The following SATL1 variants were observed in gnomAD, a reference collection of about 807,000 sequenced individuals.
The protein encoded by SATL1 is spermidine/spermine N1-acetyl transferase like 1, also known as spermidine/spermine N(1)-acetyltransferase-like protein 1.
SATL1 carries 47 observed loss-of-function variants against 51.8 expected under a neutral mutation model. The observed-to-expected ratio is 0.91, with a 90% CI of 0.72 to 1.16. SATL1 has a LOEUF of 1.16. Among genes scored for constraint, SATL1 ranks in the 50% most tolerant of loss-of-function variants. SATL1 has a pLI of 0.00. For synonymous variants in SATL1, 176 were observed against 182.4 expected, an observed-to-expected ratio of 0.97 and a Z score of 0.28; for missense variants, 520 against 526.4, an observed-to-expected ratio of 0.99 and a Z score of 0.12.
chrX:85,123,516 GT>G (rs953651406), intron 2 of SATL1, among the ~76,000 whole-genome samples: 1 of 111,530 alleles, frequency 9.0e-6, no homozygotes, highest in Non-Finnish European at 1.9e-5. Flanking sequence ...GGTGTTGTTT[GT>G]TTTTTAGTTG....
At chrX:85,222,090 T>A (rs1928189408) in intron 2 of SATL1, among the ~76,000 whole-genome samples, 1 of 111,901 alleles carries the variant, frequency 8.9e-6, no homozygotes, top group Non-Finnish European at 1.9e-5. Context: ...GGCATAGTTA[T>A]ATATAGGAGA....
In SATL1 at chrX:85,154,500, T is replaced by C. The variant is rs1368705836; in HGVS notation, c.-312-45220A>G. ...TAAAGCAGCAATCGTTTATTGAGAG[T>C]TTATTATGTGTGTCAGGCTGAATTA... On this transcript the variant is annotated intron_variant, in intron 2 of 7. Transcript: ENST00000644105. 4.5e-5 allele frequency among the ~76,000 whole-genome samples: 5 copies of C among 111,726 alleles called. No individual in the cohort carries two copies. In the East Asian group the frequency reaches 1.4e-3, roughly 31 times the overall value.
At chrX:85,171,141 G>C (rs1455246928) in intron 2 of SATL1, among the ~76,000 whole-genome samples, 1 of 111,296 alleles carries the variant, frequency 9.0e-6, no homozygotes, top group Non-Finnish European at 1.9e-5. Flanking sequence ...GATTACAAGA[G>C]AGCACATATG....
chrX:85,151,664 A>G (rs911027039), intron 2 of SATL1, among the ~76,000 whole-genome samples: 6 of 111,272 alleles, frequency 5.4e-5, no homozygotes, highest in African/African-American at 1.3e-4. Context: ...ATAATGCCGC[A>G]TATCTACAAC....
chrX:85,228,422 T>A (rs1928318076), intron 1 of SATL1, among the ~76,000 whole-genome samples: 1 of 111,663 alleles, frequency 9.0e-6, no homozygotes, highest in Admixed American at 9.5e-5. Context: ...TTAAAAAAAA[T>A]GTCTATTGAT....
intron 2 of SATL1, among the ~76,000 whole-genome samples, chrX:85,181,204 C>T (rs1287457949): frequency 4.5e-5 from 3 of 67,311 alleles, no homozygotes; most frequent in African/African-American, 3.1e-4. Context: ...TATATATATA[C>T]ACATATATAT....
intron 2 of SATL1, among the ~76,000 whole-genome samples, chrX:85,153,345 C>T (rs368194423): frequency 8.9e-6 from 1 of 111,774 alleles, no homozygotes; most frequent in Non-Finnish European, 1.9e-5. Flanking sequence ...GCCTAGGCCT[C>T]TTCAACCTCT....
chrX:85,135,149 A>G (rs893292942), intron 2 of SATL1, among the ~76,000 whole-genome samples: 9 of 110,272 alleles, frequency 8.2e-5, no homozygotes, highest in Non-Finnish European at 1.7e-4. Context: ...ACATGGCAGG[A>G]AACAACACAC....
chrX:85,185,498 G>C (rs1200767977), intron 2 of SATL1, among the ~76,000 whole-genome samples: 1 of 111,364 alleles, frequency 9.0e-6, no homozygotes, highest in Non-Finnish European at 1.9e-5. Context: ...GAATCTACCT[G>C]GTGATCTATT....
intron 1 of SATL1, among the ~76,000 whole-genome samples, chrX:85,231,891 G>T (rs1928388670): frequency 9.1e-6 from 1 of 110,348 alleles, no homozygotes; most frequent in Non-Finnish European, 1.9e-5. Context: ...AAGTACTCCT[G>T]CTGTGCTGGG....
intron 1 of SATL1, among the ~76,000 whole-genome samples, chrX:85,233,628 C>T (rs1203855270): frequency 1.8e-5 from 2 of 111,562 alleles, no homozygotes; most frequent in Non-Finnish European, 3.8e-5. Context: ...CTCTGGAATC[C>T]AAAAATGTGA....
chrX:85,168,677 T>C (rs188149252), intron 2 of SATL1, among the ~76,000 whole-genome samples: 223 of 111,906 alleles, frequency 2.0e-3, no homozygotes, highest in Non-Finnish European at 3.1e-3. Context: ...AAATAAATAT[T>C]GTTAAAATGG....
chrX:85,233,623 G>C (rs769110679), intron 1 of SATL1, among the ~76,000 whole-genome samples: 9 of 111,961 alleles, frequency 8.0e-5, no homozygotes, highest in Non-Finnish European at 1.3e-4. Flanking sequence ...AGAAGCTCTG[G>C]AATCCAAAAA....
chrX:85,169,495 C>G (rs1193219644), intron 2 of SATL1, among the ~76,000 whole-genome samples: 1 of 111,095 alleles, frequency 9.0e-6, no homozygotes, highest in African/African-American at 3.3e-5. Flanking sequence ...AGAAAACATA[C>G]ATGCAGCCAA....
At chrX:85,149,410 A>G (rs1238456820) in intron 2 of SATL1, among the ~76,000 whole-genome samples, 1 of 111,473 alleles carries the variant, frequency 9.0e-6, no homozygotes, top group Non-Finnish European at 1.9e-5. Context: ...GATCAATGAG[A>G]CAGAAAGTTA....
Position 85,103,922 on chromosome X carries a change from A to C in SATL1, c.1642-7T>G. 1 of 1,154,397 alleles carries C rather than the reference A, an allele frequency of 8.7e-7. No individual in the cohort carries two copies. Among genetic ancestry groups the C allele is most frequent in the South Asian group, 1.8e-5 (1 of 55,484 alleles). On this transcript the variant is annotated splice_region_variant and splice_polypyrimidine_tract_variant and intron_variant, in intron 3 of 7. Transcript: ENST00000644105. Reference sequence around the variant, plus strand: ...TTTCACAGGCAGCCAATTCCTGTCAAAGTAGATAAAACCTTCAGTTTATGA... The same window carrying C: ...TTTCACAGGCAGCCAATTCCTGTCACAGTAGATAAAACCTTCAGTTTATGA...
At chrX:85,114,314 C>T (rs1925332638) in intron 2 of SATL1, among the ~76,000 whole-genome samples, 1 of 111,316 alleles carries the variant, frequency 9.0e-6, no homozygotes, top group South Asian at 3.8e-4. Flanking sequence ...GGATCAGCAA[C>T]ATTTTAAGCA....
rs921065418 is a variant in SATL1 at position 85,215,141 on chromosome X, G to T, written c.-313+9064C>A. ...TGCATGCCACCAAGGCTTACAGCTT[G>T]CGTCCTCTGGAGCAGTAGCTTGAGC... On this transcript the variant is annotated intron_variant, in intron 2 of 7. Coordinates refer to ENST00000644105, the MANE Select transcript of SATL1 (RefSeq NM_001367857.2). Among the ~76,000 whole-genome samples the T allele has an allele frequency of 3.6e-5, 4 of 111,722 alleles. No individual in the cohort carries two copies. In the South Asian group the frequency reaches 1.1e-3, roughly 31 times the overall value.
At chrX:85,138,235 G>A (rs1602860504) in intron 2 of SATL1, among the ~76,000 whole-genome samples, 1 of 111,972 alleles carries the variant, frequency 8.9e-6, no homozygotes, top group African/African-American at 3.2e-5. Flanking sequence ...TCAGATAAAA[G>A]GAGTGTGAGG....
Sources: allele counts gnomAD v4.1 joint callset (sites outside exome capture counted in the v4.1 genomes callset), GRCh38; gene constraint gnomAD v4.1.1; transcripts MANE v1.5; gene names NCBI Gene and HGNC (gene_info 2026-07-23, HGNC 2026-07-21).